COA1: variants seen among roughly 807,000 people sequenced by gnomAD.
COA1 encodes the protein cytochrome c oxidase assembly factor 1, also known as cytochrome c oxidase assembly factor 1 homolog.
In COA1, 13 loss-of-function variants were observed where a neutral mutation model predicts 16.0. The observed-to-expected ratio is 0.81, with a 90% CI of 0.53 to 1.29. The LOEUF is 1.29. Among genes scored for constraint, COA1 ranks in the 50% most tolerant of loss-of-function variants. COA1 has a pLI of 0.00. For synonymous variants in COA1, 65 were observed against 65.7 expected (o/e 0.99, Z 0.05); for missense variants, 179 against 177.0 (o/e 1.01, Z -0.06).
At chr7:43,691,356 G>GGAGA (rs2094320765) in intron 1 of COA1, among the ~76,000 whole-genome samples, 1 of 32,090 alleles carries the variant, frequency 3.1e-5, no homozygotes, top group East Asian at 1.6e-3. Flanking sequence ...AGGGAGGGAG[G>GGAGA]GAGGGAGGGA....
intron 4 of COA1, among the ~76,000 whole-genome samples, chr7:43,643,872 G>C (rs2087922773): frequency 6.6e-6 from 1 of 152,170 alleles, no homozygotes; most frequent in Non-Finnish European, 1.5e-5. Context: ...TTAGAAAAAA[G>C]TCTCATTAGA....
At chr7:43,653,279 T>G (rs1479193834) in intron 1 of COA1, among the ~76,000 whole-genome samples, 3 of 151,258 alleles carry the variant, frequency 2.0e-5, no homozygotes, top group African/African-American at 7.3e-5. Context: ...GCCACTGCAC[T>G]CCAGCCTGGG....
At chr7:43,638,451 A>C (rs2086272614), downstream of COA1, among the ~76,000 whole-genome samples, 1 of 152,156 alleles carries the variant, frequency 6.6e-6, no homozygotes, top group African/African-American at 2.4e-5. Flanking sequence ...TTATAAGACT[A>C]ATAAAACCTA....
At chr7:43,689,948 T>C (rs984364248) in intron 1 of COA1, among the ~76,000 whole-genome samples, 6 of 152,040 alleles carry the variant, frequency 3.9e-5, no homozygotes, top group South Asian at 2.1e-4. Context: ...AAAATACTAA[T>C]TCAAAAGGTT....
At chr7:43,622,756 A>G (rs1383920860) in intron 6 of COA1, 1 of 151,212 alleles carries the variant, frequency 6.6e-6, no homozygotes, top group Non-Finnish European at 1.5e-5. Context: ...GCTGGAGTGC[A>G]CTGGCACTAT....
chr7:43,619,747 T>C (rs1356327469), intron 6 of COA1: 16 of 1,611,134 alleles, frequency 9.9e-6, no homozygotes, highest in Non-Finnish European at 1.4e-5. Context: ...AAAGTAGTTT[T>C]GTTCTGGGGT....
At chr7:43,716,674 G>A (rs1228641559) in intron 1 of COA1, among the ~76,000 whole-genome samples, 1 of 152,212 alleles carries the variant, frequency 6.6e-6, no homozygotes, top group Non-Finnish European at 1.5e-5. Context: ...ATTTGCAAAA[G>A]TAGCAGGGAG....
At chr7:43,684,335 G>C (rs528273800) in intron 1 of COA1, among the ~76,000 whole-genome samples, 3 of 152,294 alleles carry the variant, frequency 2.0e-5, no homozygotes, top group Admixed American at 2.0e-4. Context: ...GGGAGTGGGT[G>C]AATGGGATTG....
intron 1 of COA1, among the ~76,000 whole-genome samples, chr7:43,684,487 G>A (rs1188090197): frequency 6.6e-6 from 1 of 152,180 alleles, no homozygotes; most frequent in Non-Finnish European, 1.5e-5. Flanking sequence ...ACAAGGTGAA[G>A]GCTGCACTGC....
At chr7:43,674,688 C>T (rs1437738603) in intron 1 of COA1, among the ~76,000 whole-genome samples, 1 of 152,132 alleles carries the variant, frequency 6.6e-6, no homozygotes, top group African/African-American at 2.4e-5. Flanking sequence ...GACAAATGGA[C>T]CTGAGTCAAG....
intron 1 of COA1, among the ~76,000 whole-genome samples, chr7:43,688,042 T>C (rs2094119662): frequency 6.6e-6 from 1 of 152,198 alleles, no homozygotes; most frequent in Non-Finnish European, 1.5e-5. Flanking sequence ...TTCTTCCTCA[T>C]TTTTCTCTTG....
At chr7:43,610,341 C>T (rs180710568) in intron 6 of COA1, among the ~76,000 whole-genome samples, 4,336 of 107,910 alleles carry the variant, frequency 0.04, 217 homozygotes, top group African/African-American at 0.15. Flanking sequence ...AGCGAGACTC[C>T]GTCTCAAAAA....
At chr7:43,720,407 G>C (rs2095482830) in intron 1 of COA1, among the ~76,000 whole-genome samples, 1 of 152,022 alleles carries the variant, frequency 6.6e-6, no homozygotes, top group South Asian at 2.1e-4. Flanking sequence ...GACTAGAAAG[G>C]ATAAAATCAA....
chr7:43,674,934 A>G (rs1397822844), intron 1 of COA1, among the ~76,000 whole-genome samples: 2 of 152,228 alleles, frequency 1.3e-5, no homozygotes, highest in African/African-American at 4.8e-5. Context: ...TTAAAGGTTA[A>G]AAGTCATCAT....
chr7:43,697,460 A>C (rs1048598181), intron 1 of COA1, among the ~76,000 whole-genome samples: 1 of 151,906 alleles, frequency 6.6e-6, no homozygotes, highest in Admixed American at 6.6e-5. Context: ...TTCCCAGCTA[A>C]TTTTTGTATT....
chr7:43,626,603 G>A (rs2084569084), intron 6 of COA1: 1 of 152,180 alleles, frequency 6.6e-6, no homozygotes, highest in African/African-American at 2.4e-5. Flanking sequence ...CTTGGAAGAA[G>A]TTAAACACAG....
intron 1 of COA1, among the ~76,000 whole-genome samples, chr7:43,710,374 A>T (rs1190657157): frequency 9.2e-6 from 1 of 108,770 alleles, no homozygotes; most frequent in Admixed American, 1.0e-4. Context: ...AAAAAAAAAA[A>T]AATATATATA....
chr7:43,640,654 G>A lies in COA1; in HGVS notation c.265-5C>T. On this transcript the variant is annotated splice_polypyrimidine_tract_variant and splice_region_variant and intron_variant, in intron 4 of 5. Transcript: ENST00000223336. Reference sequence around the variant, plus strand: ...TCCAGAGACAGGAATCTTCAACTGTGGGTGTAAAATGACAGAAAGGAGAGA... The same window carrying A: ...TCCAGAGACAGGAATCTTCAACTGTAGGTGTAAAATGACAGAAAGGAGAGA... 1 of 1,587,254 alleles carries A rather than the reference G, an allele frequency of 6.3e-7. No individual in the cohort carries two copies.
chr7:43,665,521 A>G (rs983172527), intron 1 of COA1: 1 of 152,234 alleles, frequency 6.6e-6, no homozygotes, highest in South Asian at 2.1e-4. Flanking sequence ...CCCTATTCAG[A>G]TGTGTGGTTT....
Sources: gnomAD v4.1 joint callset for allele counts (sites outside exome capture counted in the v4.1 genomes callset) on GRCh38, gnomAD v4.1.1 for gene constraint, MANE v1.5 for transcripts, NCBI Gene and HGNC (gene_info 2026-07-23, HGNC 2026-07-21) for gene names.